Variants in TMEM132D observed in about 807,000 individuals in gnomAD.
TMEM132D encodes the protein transmembrane protein 132D.
TMEM132D carries 21 observed loss-of-function variants against 62.3 expected under a neutral mutation model. The ratio of observed to expected loss-of-function variants is 0.34; its 90% CI spans 0.24 to 0.49. The LOEUF (loss-of-function observed/expected upper bound fraction) is 0.49. Among genes scored for constraint, TMEM132D ranks in the 20% least tolerant of loss-of-function variants. The pLI is 0.99. For missense variants in TMEM132D, 1,346 were observed against 1,402.8 expected, an observed-to-expected ratio of 0.96 and a Z score of 0.65; for synonymous variants, 621 against 575.6, an observed-to-expected ratio of 1.08 and a Z score of -1.13.
At chr12:129,265,710 T>C (rs1593316341) in intron 4 of TMEM132D, among the ~76,000 whole-genome samples, 1 of 152,004 alleles carries the variant, frequency 6.6e-6, no homozygotes, top group East Asian at 2.0e-4. Flanking sequence ...TTGCGGTTGC[T>C]ACACTTTCTG....
intron 4 of TMEM132D, among the ~76,000 whole-genome samples, chr12:129,321,773 G>A (rs903998957): frequency 5.9e-5 from 9 of 152,132 alleles, no homozygotes; most frequent in Non-Finnish European, 7.4e-5. Flanking sequence ...GTTAGCCAGG[G>A]TGGTCTCGAT....
chr12:129,132,041 A>G (rs1356549043), intron 5 of TMEM132D, among the ~76,000 whole-genome samples: 7 of 152,262 alleles, frequency 4.6e-5, no homozygotes, highest in Non-Finnish European at 1.0e-4. Context: ...CTCTATTTAC[A>G]AAAGAGTGAA....
intron 4 of TMEM132D, among the ~76,000 whole-genome samples, chr12:129,230,247 C>T: frequency 6.7e-6 from 1 of 150,236 alleles, no homozygotes; most frequent in African/African-American, 2.5e-5. Context: ...TTCCTCAGCT[C>T]CTTCTGTGTA....
At position 129,530,990 on chromosome 12, in the gene TMEM132D, G is replaced by GGAA. The variant is rs778001774; in HGVS notation, c.1115+68_1115+69insTTC. On this transcript the variant is annotated intron_variant, in intron 3 of 8. Coordinates refer to ENST00000422113, the MANE Select transcript of TMEM132D (RefSeq NM_133448.3). ...GTGGAAATGGTTGTTAGCAATCTAG[G>GGAA]AAAAAAAAAAAAAAATCAGGCCACA... 1.2e-4 allele frequency: 158 copies of GGAA among 1,268,360 alleles called. 1 individual carries two copies. In the African/African-American group the frequency reaches 2.2e-3, roughly 18 times the overall value. 78.6% of individuals were successfully genotyped at this position (1,268,360 alleles called of 1,614,324 possible).
chr12:129,295,483 T>A (rs1170560814), intron 4 of TMEM132D, among the ~76,000 whole-genome samples: 1 of 144,994 alleles, frequency 6.9e-6, no homozygotes, highest in African/African-American at 2.6e-5. Flanking sequence ...CAGGCTGGAG[T>A]GCAGTGGCGT....
At chr12:129,855,043 T>A (rs1366379968) in intron 1 of TMEM132D, 1 of 152,618 alleles carries the variant, frequency 6.6e-6, no homozygotes, top group African/African-American at 2.4e-5. Context: ...CGGAGAGCCC[T>A]ATGCAAGACA....
At chr12:129,583,973 C>T (rs914916747) in intron 2 of TMEM132D, among the ~76,000 whole-genome samples, 1 of 152,098 alleles carries the variant, frequency 6.6e-6, no homozygotes, top group African/African-American at 2.4e-5. Flanking sequence ...GTTTCTGAAA[C>T]CTGTGAGCCT....
chr12:129,470,055 A>G (rs1206522545), intron 3 of TMEM132D, among the ~76,000 whole-genome samples: 2 of 152,180 alleles, frequency 1.3e-5, no homozygotes, highest in Non-Finnish European at 2.9e-5. Context: ...TCAACCTAGA[A>G]TCTATACATG....
intron 3 of TMEM132D, among the ~76,000 whole-genome samples, chr12:129,384,296 G>A (rs954367917): frequency 1.3e-5 from 2 of 152,178 alleles, no homozygotes; most frequent in African/African-American, 4.8e-5. Flanking sequence ...ACAAATGGCG[G>A]CTGGCAACAC....
At chr12:129,079,467 T>G (rs1158301874) in intron 7 of TMEM132D, among the ~76,000 whole-genome samples, 2 of 152,204 alleles carry the variant, frequency 1.3e-5, no homozygotes, top group African/African-American at 2.4e-5. Flanking sequence ...AATCCTGCTT[T>G]TGAGGAACGT....
chr12:129,830,137 T>G (rs1261416075), intron 1 of TMEM132D, among the ~76,000 whole-genome samples: 14 of 152,184 alleles, frequency 9.2e-5, no homozygotes, highest in Non-Finnish European at 8.8e-5. Context: ...CAATATCTAC[T>G]TCATTCAGTC....
chr12:129,264,761 T>C (rs577691231), intron 4 of TMEM132D, among the ~76,000 whole-genome samples: 1 of 152,342 alleles, frequency 6.6e-6, no homozygotes, highest in East Asian at 1.9e-4. Context: ...TAACAGCATT[T>C]GCAGTGAGCT....
At chr12:129,724,147 G>A (rs1166244650) in intron 1 of TMEM132D, among the ~76,000 whole-genome samples, 1 of 152,172 alleles carries the variant, frequency 6.6e-6, no homozygotes, top group Non-Finnish European at 1.5e-5. Context: ...AGACAGCGGG[G>A]GCTTCATCAG....
intron 4 of TMEM132D, among the ~76,000 whole-genome samples, chr12:129,283,657 G>C (rs1233060369): frequency 6.6e-6 from 1 of 152,210 alleles, no homozygotes; most frequent in East Asian, 1.9e-4. Flanking sequence ...GGGAGACAGG[G>C]CAGGTGAGGC....
chr12:129,367,383 T>C (rs1161672870), intron 3 of TMEM132D, among the ~76,000 whole-genome samples: 1 of 152,172 alleles, frequency 6.6e-6, no homozygotes, highest in Non-Finnish European at 1.5e-5. Flanking sequence ...TTCTTGAGTG[T>C]CCATGGATCC....
chr12:129,900,996 T>C (rs999892137), intron 1 of TMEM132D, among the ~76,000 whole-genome samples: 1 of 152,354 alleles, frequency 6.6e-6, no homozygotes, highest in Middle Eastern at 3.4e-3. Flanking sequence ...TATAAACGTG[T>C]AAGGCTCAAG....
intron 5 of TMEM132D, among the ~76,000 whole-genome samples, chr12:129,142,935 G>A (rs990130580): frequency 2.6e-5 from 4 of 152,048 alleles, no homozygotes; most frequent in Non-Finnish European, 5.9e-5. Flanking sequence ...TACTCATTGT[G>A]GTCTACGTAG....
intron 3 of TMEM132D, among the ~76,000 whole-genome samples, chr12:129,452,145 C>G (rs553237740): frequency 6.6e-6 from 1 of 152,168 alleles, no homozygotes; most frequent in African/African-American, 2.4e-5. Flanking sequence ...ACCTTTACAC[C>G]GTTCCATCTG....
intron 1 of TMEM132D, among the ~76,000 whole-genome samples, chr12:129,813,905 A>T (rs915912616): frequency 6.6e-6 from 1 of 152,210 alleles, no homozygotes; most frequent in African/African-American, 2.4e-5. Context: ...ATAACCAGTT[A>T]TAAATGCAAA....
Sources: allele counts gnomAD v4.1 joint callset (sites outside exome capture counted in the v4.1 genomes callset), GRCh38; gene constraint gnomAD v4.1.1; transcripts MANE v1.5; gene names NCBI Gene and HGNC (gene_info 2026-07-23, HGNC 2026-07-21).